The following ABL1 variants were observed in gnomAD, a reference collection of about 807,000 sequenced individuals.
ABL1 encodes ABL proto-oncogene 1, non-receptor tyrosine kinase.
ABL1 carries 11 observed loss-of-function variants against 94.7 expected under a neutral mutation model. The ratio of observed to expected loss-of-function variants is 0.12; its 90% confidence interval spans 0.07 to 0.19. ABL1 has a LOEUF of 0.19. ABL1 is among the 10% of genes least tolerant of loss of function. ABL1 has a pLI of 1.00. For missense variants in ABL1, 1,082 were observed against 1,489.4 expected (o/e 0.73, Z 4.50); for synonymous variants, 656 against 622.4 (o/e 1.05, Z -0.80).
chr9:130,827,950 C>A (rs1306306858), intron 1 of ABL1, among the ~76,000 whole-genome samples: 1 of 136,940 alleles, frequency 7.3e-6, no homozygotes, highest in African/African-American at 3.0e-5. Context: ...TATGCATTTC[C>A]CACAAATACT....
At chr9:130,829,288 C>T (rs1480366407) in intron 1 of ABL1, among the ~76,000 whole-genome samples, 1 of 152,136 alleles carries the variant, frequency 6.6e-6, no homozygotes, top group Non-Finnish European at 1.5e-5. Context: ...AGCCCGGGCA[C>T]GGTGGCTCAC....
intron 4 of ABL1, among the ~76,000 whole-genome samples, chr9:130,867,568 C>T (rs1831176075): frequency 6.6e-6 from 1 of 152,232 alleles, no homozygotes; most frequent in African/African-American, 2.4e-5. Flanking sequence ...TCAATTTGCA[C>T]TCCCCAGTGG....
intron 1 of ABL1, among the ~76,000 whole-genome samples, chr9:130,826,145 A>G (rs1326639887): frequency 6.8e-6 from 1 of 148,014 alleles, no homozygotes; most frequent in East Asian, 1.9e-4. Context: ...AAATGACAAT[A>G]AAAAGATTTC....
At chr9:130,843,929 G>A (rs1470912053) in intron 1 of ABL1, among the ~76,000 whole-genome samples, 1 of 152,064 alleles carries the variant, frequency 6.6e-6, no homozygotes, top group Non-Finnish European at 1.5e-5. Context: ...CTATAGTGGT[G>A]GAAGGAATAA....
intron 1 of ABL1, among the ~76,000 whole-genome samples, chr9:130,723,684 A>G (rs1831543290): frequency 6.6e-6 from 1 of 152,208 alleles, no homozygotes; most frequent in Admixed American, 6.5e-5. Context: ...CTGCCCTTGT[A>G]ACTCTTCTGC....
intron 3 of ABL1, among the ~76,000 whole-genome samples, chr9:130,858,921 A>G (rs1484728617): frequency 6.6e-6 from 1 of 152,094 alleles, no homozygotes; most frequent in African/African-American, 2.4e-5. Flanking sequence ...GTGGGTCATC[A>G]GCCGAGGACC....
chr9:130,753,361 T>C (rs1402722010), intron 1 of ABL1, among the ~76,000 whole-genome samples: 1 of 152,018 alleles, frequency 6.6e-6, no homozygotes, highest in Non-Finnish European at 1.5e-5. Context: ...GTGCTGTTTA[T>C]CACAGTGGTG....
At chr9:130,828,309 C>T (rs1457816623) in intron 1 of ABL1, among the ~76,000 whole-genome samples, 6 of 22,602 alleles carry the variant, frequency 2.7e-4, no homozygotes, top group African/African-American at 6.0e-4. Context: ...AAGTGATCCT[C>T]CTGCCTCAGC....
At chr9:130,798,130 CA>C (rs1299521281) in intron 1 of ABL1, among the ~76,000 whole-genome samples, 1 of 152,098 alleles carries the variant, frequency 6.6e-6, no homozygotes, top group African/African-American at 2.4e-5. Flanking sequence ...TTTTGAAAAA[CA>C]AAATAAGAAA....
chr9:130,883,888 C>G, intron 10 of ABL1, 81 bp from the exon 11 acceptor site: 1 of 1,501,322 alleles, frequency 6.7e-7, no homozygotes, highest in Non-Finnish European at 8.9e-7. Context: ...CAGTGGCACT[C>G]TGCCTCCCGG....
At position 130,854,825 on chromosome 9, in the gene ABL1, A is replaced by G. The variant is rs368589654; in HGVS notation, c.278A>G (p.Tyr93Cys). 105 of 1,614,114 alleles carry G rather than the reference A, an allele frequency of 6.5e-5. No individual in the cohort carries two copies. The highest frequency in any genetic ancestry group is 8.5e-5 in the Non-Finnish European group (100 of 1,180,034). Residue 93 changes from tyrosine to cysteine, a missense_variant, in exon 3 of 11, where the codon TAT becomes TGT. Tyr to Cys is a radical substitution (Grantham distance 194). This residue lies in a region of ABL1 where 47 missense variants were observed against 142.2 expected (regional missense o/e 0.33). Coordinates refer to ENST00000318560, the MANE Select transcript of ABL1 (RefSeq NM_005157.6). ...GGTGAAAAGCTCCGGGTCTTAGGCT[A>G]TAATCACAATGGGGAATGGTGTGAA... Reference protein sequence around the residue: ...TKGEKLRVLGYNHNGEWCEAQ... With the variant: ...TKGEKLRVLGCNHNGEWCEAQ...
intron 4 of ABL1, among the ~76,000 whole-genome samples, chr9:130,866,041 G>C (rs1333794164): frequency 1.3e-5 from 2 of 152,164 alleles, no homozygotes; most frequent in Non-Finnish European, 2.9e-5. Context: ...CTAATTTGGA[G>C]TGCTCATCTG....
intron 4 of ABL1, among the ~76,000 whole-genome samples, chr9:130,867,207 T>C (rs1184855918): frequency 1.3e-5 from 2 of 152,216 alleles, no homozygotes; most frequent in Non-Finnish European, 2.9e-5. Context: ...TTCTGTGTCT[T>C]TCCTGAGTCC....
intron 1 of ABL1, among the ~76,000 whole-genome samples, chr9:130,811,911 C>CAAAAA (rs1203330162): frequency 5.4e-5 from 1 of 18,556 alleles, no homozygotes; most frequent in African/African-American, 1.5e-4. Flanking sequence ...GACTCCGTCT[C>CAAAAA]AAAAAAAAAA....
chr9:130,747,003 C>G (rs992314760), intron 1 of ABL1, among the ~76,000 whole-genome samples: 3 of 152,104 alleles, frequency 2.0e-5, no homozygotes, highest in Non-Finnish European at 4.4e-5. Flanking sequence ...ACCTGCATTG[C>G]TTGGTTTGTG....
intron 1 of ABL1, among the ~76,000 whole-genome samples, chr9:130,839,189 A>G (rs1477133904): frequency 6.6e-6 from 1 of 151,992 alleles, no homozygotes; most frequent in African/African-American, 2.4e-5. Context: ...GGCCTCCCCA[A>G]AGTGCATCCC....
intron 7 of ABL1, among the ~76,000 whole-genome samples, chr9:130,877,652 T>C (rs1483626852): frequency 6.8e-6 from 1 of 146,578 alleles, no homozygotes; most frequent in Non-Finnish European, 1.5e-5. Context: ...TTTTTTTTTT[T>C]ATTTTTGAGA....
chr9:130,842,804 C>T (rs796141009), intron 1 of ABL1, among the ~76,000 whole-genome samples: 9 of 152,368 alleles, frequency 5.9e-5, no homozygotes, highest in African/African-American at 2.2e-4. Context: ...TATTAGCAGG[C>T]TGACTGTGGA....
chr9:130,865,441 T>G (rs1831138576), intron 4 of ABL1, among the ~76,000 whole-genome samples: 1 of 152,222 alleles, frequency 6.6e-6, no homozygotes, highest in African/African-American at 2.4e-5. Flanking sequence ...ATGGGGCATT[T>G]ACCTTTGCTA....
Sources: gnomAD v4.1 joint callset for allele counts (sites outside exome capture counted in the v4.1 genomes callset) on GRCh38, gnomAD v4.1.1 for gene constraint, gnomAD v4.1.1 regional missense constraint, MANE v1.5 for transcripts, NCBI Gene and HGNC (gene_info 2026-07-23, HGNC 2026-07-21) for gene names.